RNF130: variants seen among roughly 807,000 people sequenced by gnomAD.
RNF130 encodes the protein ring finger protein 130.
Under a neutral mutation model 44.6 loss-of-function variants are expected in RNF130, and 21 were observed. That is an observed-to-expected ratio of 0.47 (90% CI 0.33 to 0.68). RNF130 has a LOEUF of 0.68. Among genes scored for constraint, RNF130 ranks in the 30% least tolerant of loss-of-function variants. RNF130 has a pLI of 0.02. For missense variants in RNF130, 479 were observed against 560.6 expected (o/e 0.85, Z 1.47); for synonymous variants, 214 against 210.4 (o/e 1.02, Z -0.15).
chr5:180,019,383 CAAA>C (rs56691249), intron 2 of RNF130, among the ~76,000 whole-genome samples: 1 of 111,808 alleles, frequency 8.9e-6, no homozygotes. Context: ...GACTCTGTCT[CAAA>C]AAAAAAAAAA....
At chr5:179,936,423 CTCA>C (rs1761891865) in intron 7 of RNF130, among the ~76,000 whole-genome samples, 4 of 152,186 alleles carry the variant, frequency 2.6e-5, no homozygotes, top group Admixed American at 2.6e-4. Flanking sequence ...GAGACGGGTT[CTCA>C]TCATGTTGCC....
chr5:179,953,494 T>C (rs1289041980), downstream of RNF130, among the ~76,000 whole-genome samples: 1 of 152,198 alleles, frequency 6.6e-6, no homozygotes, highest in Non-Finnish European at 1.5e-5. Context: ...TCAATTGATT[T>C]TTGACAAGGG....
intron 7 of RNF130, among the ~76,000 whole-genome samples, chr5:179,938,491 G>T (rs1348091014): frequency 6.6e-6 from 1 of 151,870 alleles, no homozygotes; most frequent in Non-Finnish European, 1.5e-5. Flanking sequence ...AGAGGGTAGT[G>T]GTTACACCCC....
In RNF130 at chr5:180,015,987, T is replaced by G. The variant is rs138778225; in HGVS notation, c.443-2676A>C. ...AGAGTAGAAAATTACCTGCTCTTGA[T>G]GCAAAAATCCACACGCCCTCAGGAG... On this transcript the variant is annotated intron_variant, in intron 2 of 8. Transcript: ENST00000521389. 7.1e-3 allele frequency among the ~76,000 whole-genome samples: 1,088 copies of G among 152,302 alleles called. 6 individuals carry two copies. Among genetic ancestry groups the G allele is most frequent in the Non-Finnish European group, 0.01 (693 of 68,020 alleles).
At position 179,955,120 on chromosome 5, in the gene RNF130, G is replaced by A. The variant is rs1762184161; in HGVS notation, c.*534C>T. On this transcript the variant is annotated 3_prime_UTR_variant, in exon 9 of 9. Coordinates refer to ENST00000521389, the MANE Select transcript of RNF130 (RefSeq NM_018434.6). ...TACGATGTGCAAAGCACTCTGTTGG[G>A]TGCAGGGGCACAGTGGGGAGCAAAT... 3 of 152,492 alleles carry A rather than the reference G, an allele frequency of 2.0e-5. No individual in the cohort carries two copies. The highest frequency in any genetic ancestry group is 1.3e-4 in the Admixed American group (2 of 15,294). The allele number at this position is 152,492 out of a possible 1,614,324, so 9.4% of individuals were successfully genotyped here. A position where few individuals can be genotyped will look rare whatever the true frequency, so the allele number is the denominator to read the frequency against.
chr5:179,975,812 A>T (rs1042256068), intron 5 of RNF130, among the ~76,000 whole-genome samples: 2 of 152,238 alleles, frequency 1.3e-5, no homozygotes, highest in Non-Finnish European at 2.9e-5. Context: ...ATTCACAAGC[A>T]GACCACAAAC....
At chr5:179,913,895 G>A (rs955290997) in exon 8 of RNF130, 10 of 152,144 alleles carry the variant, frequency 6.6e-5, no homozygotes, top group African/African-American at 2.4e-4. Flanking sequence ...TGGATTTGGG[G>A]GCTCACGCTT....
intron 2 of RNF130, among the ~76,000 whole-genome samples, chr5:180,033,876 TTTTA>T (rs1321177494): frequency 3.9e-5 from 6 of 152,326 alleles, no homozygotes; most frequent in Admixed American, 3.9e-4. Context: ...ACTGGATGTC[TTTTA>T]TTTCTTTCTT....
At chr5:179,990,999 C>CT (rs1554103227) in intron 3 of RNF130, among the ~76,000 whole-genome samples, 6 of 152,184 alleles carry the variant, frequency 3.9e-5, no homozygotes, top group Non-Finnish European at 8.8e-5. Context: ...GCCTCGGCAC[C>CT]TGGGTGGCTT....
chr5:179,928,853 TCTC>T (rs1461603184), intron 7 of RNF130, among the ~76,000 whole-genome samples: 2 of 152,046 alleles, frequency 1.3e-5, no homozygotes, highest in Non-Finnish European at 2.9e-5. Flanking sequence ...ATGGTCTCAA[TCTC>T]CTGATCTCGT....
intron 6 of RNF130, among the ~76,000 whole-genome samples, chr5:179,969,006 GA>G (rs2113706221): frequency 6.6e-6 from 1 of 152,348 alleles, no homozygotes; most frequent in South Asian, 2.1e-4. Flanking sequence ...TGTATACACT[GA>G]AACTGTGTTT....
chr5:179,930,331 C>G lies in RNF130; in HGVS notation c.1151-9905G>C, dbSNP rs1372549427. 2.0e-5 allele frequency among the ~76,000 whole-genome samples: 3 copies of G among 152,310 alleles called. No individual in the cohort carries two copies. In the East Asian group the frequency reaches 5.8e-4, roughly 29 times the overall value. On this transcript the variant is annotated intron_variant, in intron 7 of 7. Transcript: ENST00000522208. ...TTGGCCTCCCAGAGTGCTAGGATTA[C>G]AGGCATGAGCCACTGCACCCGGCCA...
chr5:179,963,546 G>A lies in RNF130; in HGVS notation c.1169C>T (p.Ala390Val), dbSNP rs1169785333. The change falls in exon 8 of 9, where the codon GCC (alanine) becomes GTC (valine). Residue 390 changes from alanine (A) to valine (V), a missense_variant. Ala to Val is a moderately conservative substitution (Grantham distance 64, BLOSUM62 0). Around this residue, in one of 3 missense-constraint regions of RNF130, gnomAD observed 161 missense variants for 158.6 expected, o/e 1.02. Coordinates refer to ENST00000521389, the MANE Select transcript of RNF130 (RefSeq NM_018434.6). Reference protein sequence around the residue: ...IAVTKEWFIIASFGLLSALTL... With the variant: ...IAVTKEWFIIVSFGLLSALTL... The stretch of plus-strand genomic sequence containing the variant: ...GAGGGCACTGAGGAGGCCAAAACTG[G>A]CAATAATAAACCATTCTTCTGTTGA... The A allele has an allele frequency of 6.2e-7, 1 of 1,613,206 alleles. No homozygotes were observed. The highest frequency in any genetic ancestry group is 8.5e-7 in the Non-Finnish European group (1 of 1,179,198).
intron 3 of RNF130, among the ~76,000 whole-genome samples, chr5:179,981,350 C>T (rs1762832776): frequency 6.6e-6 from 1 of 152,154 alleles, no homozygotes; most frequent in African/African-American, 2.4e-5. Flanking sequence ...TGGGAAAAGG[C>T]AGATGCCGCT....
At chr5:179,938,081 C>A (rs1174307372) in intron 7 of RNF130, among the ~76,000 whole-genome samples, 3 of 151,970 alleles carry the variant, frequency 2.0e-5, no homozygotes, top group Non-Finnish European at 2.9e-5. Context: ...CTCAGCCTCC[C>A]GAGTAGCTGG....
rs757020132 is a variant in RNF130, at chr5:179,963,461, T to G, written c.1244+10A>C. The G allele has an allele frequency of 1.9e-6, 3 of 1,607,882 alleles. No individual in the cohort carries two copies. The highest frequency in any genetic ancestry group is 2.6e-6 in the Non-Finnish European group (3 of 1,175,054). ...TGGCACATGCAATCCAAAAACAATT[T>G]GTTACTTACTCATTAGCATTCAAGC... On this transcript the variant is annotated intron_variant, in intron 8 of 8. Coordinates refer to ENST00000521389, the MANE Select transcript of RNF130 (RefSeq NM_018434.6).
At chr5:179,956,795 G>T (rs1182059046) in intron 8 of RNF130, among the ~76,000 whole-genome samples, 1 of 152,212 alleles carries the variant, frequency 6.6e-6, no homozygotes, top group Admixed American at 6.5e-5. Flanking sequence ...GTACGCACAT[G>T]AGGGCATAGC....
intron 1 of RNF130, among the ~76,000 whole-genome samples, chr5:180,068,158 T>C (rs534369242): frequency 6.6e-6 from 1 of 152,258 alleles, no homozygotes; most frequent in South Asian, 2.1e-4. Context: ...CACAGGGCTT[T>C]CTCCTCTCCC....
chr5:180,056,101 A>G (rs1015526680), intron 1 of RNF130, among the ~76,000 whole-genome samples: 7 of 152,092 alleles, frequency 4.6e-5, no homozygotes, highest in African/African-American at 1.4e-4. Flanking sequence ...AACAAAAACA[A>G]AAACAAAAAA....
Sources: gnomAD v4.1 joint callset for allele counts (sites outside exome capture counted in the v4.1 genomes callset) on GRCh38, gnomAD v4.1.1 for gene constraint, gnomAD v4.1.1 regional missense constraint, MANE v1.5 for transcripts, NCBI Gene and HGNC (gene_info 2026-07-23, HGNC 2026-07-21) for gene names.